Variants in CCDC171 observed in about 807,000 individuals in gnomAD.
CCDC171 encodes coiled-coil domain containing 171, also known as coiled-coil domain-containing protein 171.
Under a neutral mutation model 168.2 loss-of-function variants are expected in CCDC171, and 177 were observed. That is an observed-to-expected ratio of 1.05 (90% CI 0.93 to 1.19). CCDC171 has a LOEUF of 1.19. CCDC171 is among the 50% of genes most tolerant of loss of function. The probability of loss-of-function intolerance (pLI) is 0.00; values close to 1 mark genes in which losing one functional copy is unlikely to be tolerated. For missense variants in CCDC171, 1,991 were observed against 1,539.0 expected (o/e 1.29, Z -4.91); for synonymous variants, 687 against 540.8 (o/e 1.27, Z -3.75).
intron 6 of CCDC171, among the ~76,000 whole-genome samples, chr9:15,601,564 G>A (rs1016161821): frequency 6.6e-6 from 1 of 152,128 alleles, no homozygotes; most frequent in African/African-American, 2.4e-5. Context: ...TACTGCTCTG[G>A]ATACTGAGGC....
At chr9:15,923,239 T>C (rs1825544676) in intron 25 of CCDC171, among the ~76,000 whole-genome samples, 1 of 151,382 alleles carries the variant, frequency 6.6e-6, no homozygotes, top group Admixed American at 6.6e-5. Flanking sequence ...ATAGCCAAGA[T>C]ATATAATCAG....
chr9:15,950,057 A>C (rs1234444510), intron 25 of CCDC171, among the ~76,000 whole-genome samples: 1 of 152,178 alleles, frequency 6.6e-6, no homozygotes, highest in African/African-American at 2.4e-5. Flanking sequence ...AAATGAAGCG[A>C]GAAGGGAAGT....
At chr9:15,794,281 A>G (rs562625099) in intron 21 of CCDC171, among the ~76,000 whole-genome samples, 15 of 152,266 alleles carry the variant, frequency 9.9e-5, no homozygotes, top group East Asian at 9.6e-4. Context: ...CCTGGCCAAC[A>G]TGGTGAAACC....
the CCDC171 span, among the ~76,000 whole-genome samples, chr9:16,067,387 G>A: frequency 4.6e-5 from 7 of 152,088 alleles, no homozygotes; most frequent in Admixed American, 2.6e-4. Flanking sequence ...AGTAGGTCGC[G>A]AAAATTGTCT....
chr9:15,922,848 C>A (rs1010394811), intron 25 of CCDC171, among the ~76,000 whole-genome samples: 1 of 151,414 alleles, frequency 6.6e-6, no homozygotes, highest in Non-Finnish European at 1.5e-5. Context: ...ATACACAAGT[C>A]CATTTGTATG....
At chr9:15,689,149 T>C (rs1443627457) in intron 10 of CCDC171, among the ~76,000 whole-genome samples, 2 of 152,164 alleles carry the variant, frequency 1.3e-5, no homozygotes, top group African/African-American at 4.8e-5. Flanking sequence ...TAGGAATAAT[T>C]TGACAAAAGA....
At chr9:15,920,993 T>C (rs565002599) in intron 25 of CCDC171, among the ~76,000 whole-genome samples, 2 of 151,744 alleles carry the variant, frequency 1.3e-5, no homozygotes, top group South Asian at 2.1e-4. Flanking sequence ...ACTTGAAATA[T>C]ATTTTTGGGG....
At chr9:16,003,580 G>T (rs1276271911) in intron 3 of CCDC171, among the ~76,000 whole-genome samples, 2 of 152,116 alleles carry the variant, frequency 1.3e-5, no homozygotes, top group African/African-American at 4.8e-5. Flanking sequence ...GGATGGAGGG[G>T]CACATTTTCT....
intron 8 of CCDC171, among the ~76,000 whole-genome samples, chr9:15,660,859 A>G (rs2048261358): frequency 6.6e-6 from 1 of 152,206 alleles, no homozygotes; most frequent in Non-Finnish European, 1.5e-5. Flanking sequence ...GGGTTGCTGG[A>G]TCAAATGGTA....
At chr9:15,960,262 G>C (rs981346146) in intron 25 of CCDC171, among the ~76,000 whole-genome samples, 1 of 152,110 alleles carries the variant, frequency 6.6e-6, no homozygotes, top group Non-Finnish European at 1.5e-5. Flanking sequence ...GATTAGTTAA[G>C]GTCTAATAAA....
chr9:16,088,646 A>C, the CCDC171 span, among the ~76,000 whole-genome samples: 36 of 152,212 alleles, frequency 2.4e-4, no homozygotes, highest in Admixed American at 5.2e-4. Flanking sequence ...TAGGAATCCA[A>C]CTGACAAGGG....
At chr9:15,732,654 C>A (rs2054224002) in intron 16 of CCDC171, among the ~76,000 whole-genome samples, 1 of 152,074 alleles carries the variant, frequency 6.6e-6, no homozygotes, top group South Asian at 2.1e-4. Context: ...TGAATAATGT[C>A]CCATTGTATG....
intron 21 of CCDC171, among the ~76,000 whole-genome samples, chr9:15,793,783 G>T (rs999151035): frequency 4.0e-5 from 6 of 151,754 alleles, no homozygotes; most frequent in African/African-American, 1.5e-4. Flanking sequence ...TCCTCACCTC[G>T]TGACCTGCCT....
intron 24 of CCDC171, among the ~76,000 whole-genome samples, chr9:15,895,411 A>G (rs973455804): frequency 6.6e-5 from 10 of 152,074 alleles, no homozygotes; most frequent in Non-Finnish European, 1.5e-4. Context: ...TCATAAGAAC[A>G]TTTCCACTTA....
chr9:15,880,818 T>G (rs1299374346), intron 24 of CCDC171, among the ~76,000 whole-genome samples: 1 of 152,072 alleles, frequency 6.6e-6, no homozygotes, highest in Non-Finnish European at 1.5e-5. Context: ...TTAAATAATT[T>G]TTTAATTGGG....
intron 3 of CCDC171, among the ~76,000 whole-genome samples, chr9:15,993,881 A>T (rs1176797675): frequency 4.6e-5 from 7 of 152,228 alleles, no homozygotes; most frequent in African/African-American, 1.7e-4. Context: ...TCGAAACCAC[A>T]ATGAGATACC....
At chr9:15,740,045 T>C (rs1364821351) in intron 16 of CCDC171, among the ~76,000 whole-genome samples, 6 of 152,046 alleles carry the variant, frequency 3.9e-5, no homozygotes, top group Non-Finnish European at 8.8e-5. Context: ...CCCTCCAATG[T>C]GTTTTTTTTA....
At chr9:15,947,236 A>G (rs189742354) in intron 25 of CCDC171, among the ~76,000 whole-genome samples, 1 of 152,118 alleles carries the variant, frequency 6.6e-6, no homozygotes, top group East Asian at 2.0e-4. Context: ...CTTAACATTC[A>G]TAGACGTTAA....
At chr9:15,897,012 A>G (rs770072585) in intron 24 of CCDC171, among the ~76,000 whole-genome samples, 9 of 152,092 alleles carry the variant, frequency 5.9e-5, no homozygotes, top group Non-Finnish European at 1.2e-4. Flanking sequence ...TCCCCATCTT[A>G]GTAGTTAAAA....
Sources: allele counts gnomAD v4.1 joint callset (sites outside exome capture counted in the v4.1 genomes callset), GRCh38; gene constraint gnomAD v4.1.1; transcripts MANE v1.5; gene names NCBI Gene and HGNC (gene_info 2026-07-23, HGNC 2026-07-21).